Variants in TBXAS1 observed in about 807,000 individuals in gnomAD.
TBXAS1 encodes thromboxane-A synthase.
A neutral mutation model predicts 60.7 loss-of-function variants in TBXAS1; 48 were observed. That is an observed-to-expected ratio of 0.79 (90% CI 0.63 to 1.01). TBXAS1 has a LOEUF of 1.01. Among genes scored for constraint, TBXAS1 ranks in the 50% least tolerant of loss-of-function variants. The probability of loss-of-function intolerance (pLI) is 0.00; values close to 1 mark genes in which losing one functional copy is unlikely to be tolerated. For missense variants in TBXAS1, 685 were observed against 686.3 expected (o/e 1.00, Z 0.02); for synonymous variants, 287 against 269.7 (o/e 1.06, Z -0.63).
chr7:139,978,792 A>AG (rs1488053678), intron 9 of TBXAS1, among the ~76,000 whole-genome samples: 1 of 150,282 alleles, frequency 6.7e-6, no homozygotes, highest in Non-Finnish European at 1.5e-5. Flanking sequence ...AAAAAAAAAA[A>AG]AAAAAATCAA....
chr7:140,008,452 T>A (rs1221823751), intron 10 of TBXAS1, among the ~76,000 whole-genome samples: 1 of 149,460 alleles, frequency 6.7e-6, no homozygotes, highest in African/African-American at 2.5e-5. Context: ...TTATTCTTTT[T>A]TTTTTTTTTT....
At chr7:139,904,998 TC>T (rs1804878860) in intron 3 of TBXAS1, among the ~76,000 whole-genome samples, 4 of 94,318 alleles carry the variant, frequency 4.2e-5, no homozygotes, top group African/African-American at 1.0e-4. Context: ...TCTCTTTCTC[TC>T]TTTCTCTCTT....
At chr7:139,970,391 G>A (rs1231738269) in intron 9 of TBXAS1, among the ~76,000 whole-genome samples, 1 of 152,224 alleles carries the variant, frequency 6.6e-6, no homozygotes, top group Non-Finnish European at 1.5e-5. Context: ...ACAGGCGTGA[G>A]CCACCGTGCC....
chr7:139,955,255 TCTGCCGTCA>T (rs1258631473), intron 6 of TBXAS1, among the ~76,000 whole-genome samples, 195 bp from the exon 7 acceptor site: 5 of 152,128 alleles, frequency 3.3e-5, no homozygotes, highest in African/African-American at 1.2e-4. Context: ...CCTCCCACCC[TCTGCCGTCA>T]CTGCTCAGAG....
chr7:140,020,078 T>C lies in TBXAS1; in HGVS notation c.1581T>C (p.Tyr527=). 6.2e-7 allele frequency: 1 copy of C among 1,612,660 alleles called. No homozygotes were observed. Among genetic ancestry groups the C allele is most frequent in the Non-Finnish European group, 8.5e-7 (1 of 1,179,622 alleles). ...KSALGPKNGV[Y]IKIVSR is the part of the protein sequence containing the mutation. Reference sequence around the variant, plus strand: ...CCCTAGGTCCAAAAAATGGTGTCTATATCAAGATCGTATCCCGCTGACACA... The same window carrying C: ...CCCTAGGTCCAAAAAATGGTGTCTACATCAAGATCGTATCCCGCTGACACA... Residue 527 remains tyrosine (Y), a synonymous_variant, in exon 13 of 13, where the codon TAT becomes TAC. Transcript: ENST00000448866.
intron 5 of TBXAS1, among the ~76,000 whole-genome samples, chr7:139,940,449 T>C (rs914233897): frequency 1.3e-5 from 2 of 152,146 alleles, no homozygotes; most frequent in Non-Finnish European, 2.9e-5. Flanking sequence ...TCAAGATCTA[T>C]ATAGTCAGAA....
At chr7:140,010,770 G>A (rs1296357912) in intron 10 of TBXAS1, among the ~76,000 whole-genome samples, 1 of 152,182 alleles carries the variant, frequency 6.6e-6, no homozygotes, top group Non-Finnish European at 1.5e-5. Flanking sequence ...TAACAGAGAG[G>A]GAGCAGCAAG....
In TBXAS1 at chr7:139,885,369, C is replaced by T. The variant is rs141882848; in HGVS notation, c.236+9732C>T. Among the ~76,000 whole-genome samples the T allele has an allele frequency of 1.3e-3, 197 of 152,270 alleles. 1 individual carries two copies. Among genetic ancestry groups the T allele is most frequent in the Non-Finnish European group, 1.2e-3 (82 of 68,034 alleles). On this transcript the variant is annotated intron_variant, in intron 3 of 12. Transcript: ENST00000448866. ...TAATAAATTCCACATTTAATTGAAG[C>T]GTACCTGCAACAAATCCAAGTTGTT...
At chr7:139,823,233 A>T (rs1798346347) in intron 4 of TBXAS1, among the ~76,000 whole-genome samples, 1 of 151,974 alleles carries the variant, frequency 6.6e-6, no homozygotes, top group Non-Finnish European at 1.5e-5. Context: ...CATAACTATA[A>T]GACGGACGGA....
chr7:139,960,304 CCCATCCT>C (rs1311560466), intron 8 of TBXAS1, among the ~76,000 whole-genome samples: 3 of 152,194 alleles, frequency 2.0e-5, no homozygotes, highest in African/African-American at 7.2e-5. Flanking sequence ...ACTCAGCATA[CCCATCCT>C]CCAAATGCAC....
At chr7:139,908,110 C>T (rs1335298891) in intron 3 of TBXAS1, among the ~76,000 whole-genome samples, 1 of 151,266 alleles carries the variant, frequency 6.6e-6, no homozygotes, top group Non-Finnish European at 1.5e-5. Flanking sequence ...ACCAGTTTTT[C>T]GTTCATCAGT....
At chr7:139,938,158 C>T (rs577770746) in intron 5 of TBXAS1, among the ~76,000 whole-genome samples, 4 of 152,264 alleles carry the variant, frequency 2.6e-5, no homozygotes, top group South Asian at 2.1e-4. Context: ...GGCTGGCCCG[C>T]GGCCCACATG....
At chr7:139,807,099 C>T (rs539094288) in intron 4 of TBXAS1, among the ~76,000 whole-genome samples, 1 of 152,352 alleles carries the variant, frequency 6.6e-6, no homozygotes, top group Non-Finnish European at 1.5e-5. Flanking sequence ...GCCCTCCCTG[C>T]TGTGGGCAGA....
At chr7:139,911,478 G>A (rs557319190) in intron 4 of TBXAS1, among the ~76,000 whole-genome samples, 157 bp downstream of exon 4, 13 of 152,284 alleles carry the variant, frequency 8.5e-5, no homozygotes, top group Non-Finnish European at 1.8e-4. Context: ...TTTTTCAAAA[G>A]AGATCTATGG....
At chr7:139,921,359 ATCT>A (rs1479146834) in intron 4 of TBXAS1, among the ~76,000 whole-genome samples, 2 of 152,176 alleles carry the variant, frequency 1.3e-5, no homozygotes, top group East Asian at 3.9e-4. Flanking sequence ...TTGTTCTGGC[ATCT>A]TTTGCTCAAC....
chr7:140,000,468 A>G (rs966047572), intron 9 of TBXAS1, among the ~76,000 whole-genome samples: 2 of 152,210 alleles, frequency 1.3e-5, no homozygotes, highest in African/African-American at 2.4e-5. Flanking sequence ...TGACAGCACC[A>G]CTGCACTGTA....
intron 3 of TBXAS1, among the ~76,000 whole-genome samples, chr7:139,904,921 C>T (rs908386331): frequency 6.6e-5 from 10 of 151,990 alleles, no homozygotes; most frequent in South Asian, 6.2e-4. Context: ...TTTAGCGATA[C>T]GGATGCTCTC....
intron 9 of TBXAS1, among the ~76,000 whole-genome samples, chr7:139,965,958 T>C (rs1260634547): frequency 6.6e-6 from 1 of 152,172 alleles, no homozygotes; most frequent in East Asian, 1.9e-4. Flanking sequence ...GAAATGCAGA[T>C]TAGATGTTCA....
intron 5 of TBXAS1, among the ~76,000 whole-genome samples, chr7:139,952,010 G>GAA (rs375404174): frequency 1.5e-5 from 2 of 135,204 alleles, no homozygotes; most frequent in East Asian, 4.1e-4. Context: ...AAGAAAGAAA[G>GAA]AAAAAGAAAG....
Sources: gnomAD v4.1 joint callset for allele counts (sites outside exome capture counted in the v4.1 genomes callset) on GRCh38, gnomAD v4.1.1 for gene constraint, MANE v1.5 for transcripts, NCBI Gene and HGNC (gene_info 2026-07-23, HGNC 2026-07-21) for gene names.